Variants in ADAMTS3 observed in about 807,000 individuals in gnomAD.
ADAMTS3 encodes ADAM metallopeptidase with thrombospondin type 1 motif 3, also known as A disintegrin and metalloproteinase with thrombospondin motifs 3.
A neutral mutation model predicts 129.0 loss-of-function variants in ADAMTS3; 73 were observed. That is an observed-to-expected ratio of 0.57 (90% CI 0.47 to 0.69). The LOEUF is 0.69. Among genes scored for constraint, ADAMTS3 ranks in the 30% least tolerant of loss-of-function variants. ADAMTS3 has a pLI of 0.00. For synonymous variants in ADAMTS3, 477 were observed against 510.8 expected, an observed-to-expected ratio of 0.93 and a Z score of 0.89; for missense variants, 1,457 against 1,514.5, an observed-to-expected ratio of 0.96 and a Z score of 0.63.
intron 4 of ADAMTS3, among the ~76,000 whole-genome samples, chr4:72,352,232 A>G (rs1720459118): frequency 6.6e-6 from 1 of 152,044 alleles, no homozygotes; most frequent in South Asian, 2.1e-4. Context: ...ATACAGTGGT[A>G]TTGATTTTGT....
chr4:72,504,484 G>A (rs1004770788), intron 3 of ADAMTS3, among the ~76,000 whole-genome samples: 4 of 151,924 alleles, frequency 2.6e-5, no homozygotes, highest in African/African-American at 9.7e-5. Context: ...CTTTTACTCT[G>A]GTTACATTTA....
chr4:72,560,791 G>A (rs1402147102), intron 2 of ADAMTS3, among the ~76,000 whole-genome samples: 5 of 152,096 alleles, frequency 3.3e-5, no homozygotes, highest in Non-Finnish European at 5.9e-5. Context: ...CATGACACAC[G>A]TTTACCTATG....
chr4:72,294,327 G>T (rs887192507), intron 19 of ADAMTS3, among the ~76,000 whole-genome samples: 8 of 151,986 alleles, frequency 5.3e-5, no homozygotes, highest in Non-Finnish European at 1.2e-4. Flanking sequence ...GAAAGATGTT[G>T]GTCAAGGGGT....
intron 5 of ADAMTS3, among the ~76,000 whole-genome samples, chr4:72,328,787 T>G (rs1011905934): frequency 1.3e-5 from 2 of 152,164 alleles, no homozygotes; most frequent in Non-Finnish European, 2.9e-5. Flanking sequence ...GACTTTTGTA[T>G]AACTGAAAGT....
chr4:72,504,075 G>A (rs541879729), intron 3 of ADAMTS3, among the ~76,000 whole-genome samples: 9 of 152,220 alleles, frequency 5.9e-5, no homozygotes, highest in African/African-American at 2.2e-4. Flanking sequence ...ATTTAAGTGG[G>A]ATGTTTAGAA....
At chr4:72,535,786 T>C (rs1009891723) in intron 3 of ADAMTS3, among the ~76,000 whole-genome samples, 3 of 151,692 alleles carry the variant, frequency 2.0e-5, no homozygotes, top group African/African-American at 7.3e-5. Context: ...TTAAACACCA[T>C]CACTTAAAAA....
intron 2 of ADAMTS3, among the ~76,000 whole-genome samples, chr4:72,556,428 G>C (rs1721768668): frequency 6.6e-6 from 1 of 151,630 alleles, no homozygotes; most frequent in Non-Finnish European, 1.5e-5. Flanking sequence ...AACTGTAAAA[G>C]AACAGAAGTC....
intron 20 of ADAMTS3, 80 bp downstream of exon 20, chr4:72,290,775 G>T (rs867077984): frequency 7.0e-7 from 1 of 1,436,534 alleles, no homozygotes; most frequent in African/African-American, 1.4e-5. Flanking sequence ...AAGCCTAACT[G>T]ATGTTTAAGC....
chr4:72,400,085 G>GTA lies in ADAMTS3; in HGVS notation c.661+14728_661+14729dup, dbSNP rs1560501574. Among the ~76,000 whole-genome samples, 167 of 51,496 alleles carry GTA rather than the reference G, an allele frequency of 3.2e-3. 3 individuals are homozygous for GTA. The highest frequency in any genetic ancestry group is 4.7e-3 in the South Asian group (5 of 1,058). 33.8% of individuals were successfully genotyped at this position (51,496 alleles called of 152,430 possible). On this transcript the variant is annotated intron_variant, in intron 4 of 21. Coordinates refer to ENST00000286657, the MANE Select transcript of ADAMTS3 (RefSeq NM_014243.3). The stretch of plus-strand genomic sequence containing the variant: ...GTGTGTATATATGCACACATGGTGT[G>GTA]TATATACGTGTGTATATATGCACAC...
At chr4:72,486,414 G>A (rs1719593185) in intron 3 of ADAMTS3, among the ~76,000 whole-genome samples, 1 of 152,060 alleles carries the variant, frequency 6.6e-6, no homozygotes, top group Non-Finnish European at 1.5e-5. Flanking sequence ...AGGCCTATCT[G>A]GCTCCTACTT....
Position 72,549,988 on chromosome 4 carries a change from A to AGAG in ADAMTS3, c.98-1105_98-1104insCTC, listed in dbSNP as rs71215439. 6.6e-4 allele frequency among the ~76,000 whole-genome samples: 19 copies of AGAG among 28,918 alleles called. 1 individual carries two copies. Among genetic ancestry groups the AGAG allele is most frequent in the African/African-American group, 2.1e-3 (9 of 4,386 alleles). The allele number at this position is 28,918 out of a possible 152,430, so 19.0% of individuals were successfully genotyped here. ...AAGAAGAAGAAGAAGAAGAAGAAGAAGAAGAGGAAGAGGAAGAAGAAGAAG... is the reference window on the plus strand; with the variant it reads ...AAGAAGAAGAAGAAGAAGAAGAAGAAGAGGAAGAGGAAGAGGAAGAAGAAGAAG... On this transcript the variant is annotated intron_variant, in intron 2 of 21. Transcript: ENST00000286657.
At chr4:72,367,668 G>T (rs1489865639) in intron 4 of ADAMTS3, among the ~76,000 whole-genome samples, 1 of 152,044 alleles carries the variant, frequency 6.6e-6, no homozygotes, top group Admixed American at 6.6e-5. Context: ...GGCTAACATG[G>T]TGAAACCCTG....
chr4:72,336,737 T>C (rs1316689121), intron 5 of ADAMTS3, among the ~76,000 whole-genome samples: 1 of 152,116 alleles, frequency 6.6e-6, no homozygotes, highest in Non-Finnish European at 1.5e-5. Context: ...ATCGTTGACA[T>C]TTTGGGCCAG....
intron 15 of ADAMTS3, among the ~76,000 whole-genome samples, chr4:72,306,278 G>C (rs1191055286): frequency 6.6e-6 from 1 of 151,782 alleles, no homozygotes; most frequent in Non-Finnish European, 1.5e-5. Context: ...TTATTAAAGA[G>C]GGAAAAAAGT....
intron 5 of ADAMTS3, among the ~76,000 whole-genome samples, chr4:72,337,661 C>T (rs2109829621): frequency 6.6e-6 from 1 of 152,178 alleles, no homozygotes; most frequent in East Asian, 1.9e-4. Flanking sequence ...CCTCCTAAGT[C>T]CCAATTTAAT....
chr4:72,454,478 G>C (rs369671611), intron 3 of ADAMTS3, among the ~76,000 whole-genome samples: 13 of 151,824 alleles, frequency 8.6e-5, no homozygotes, highest in African/African-American at 3.1e-4. Context: ...TGAATAGAAA[G>C]CCCGACAAGT....
intron 20 of ADAMTS3, 95 bp from the exon 21 acceptor site, chr4:72,288,963 C>CACACACACACAG: frequency 2.8e-6 from 2 of 716,942 alleles, no homozygotes. Context: ...CACACACACA[C>CACACACACACAG]ACACAAAGAC....
chr4:72,363,873 T>C (rs1720793094), intron 4 of ADAMTS3, among the ~76,000 whole-genome samples: 1 of 152,048 alleles, frequency 6.6e-6, no homozygotes, highest in African/African-American at 2.4e-5. Context: ...TAGCAAGAAT[T>C]AATTCAGTGA....
At chr4:72,474,081 T>A (rs1719156531) in intron 3 of ADAMTS3, among the ~76,000 whole-genome samples, 1 of 152,132 alleles carries the variant, frequency 6.6e-6, no homozygotes, top group Non-Finnish European at 1.5e-5. Flanking sequence ...GCTAAAATGG[T>A]GTCAGAAAAG....
Sources: allele counts gnomAD v4.1 joint callset (sites outside exome capture counted in the v4.1 genomes callset), GRCh38; gene constraint gnomAD v4.1.1; transcripts MANE v1.5; gene names NCBI Gene and HGNC (gene_info 2026-07-23, HGNC 2026-07-21).